The following CADPS2 variants were observed in gnomAD, a reference collection of about 807,000 sequenced individuals.
CADPS2 encodes calcium dependent secretion activator 2, also known as calcium-dependent secretion activator 2.
In CADPS2, 93 loss-of-function variants were observed where a neutral mutation model predicts 172.5. That is an observed-to-expected ratio of 0.54 (90% CI 0.46 to 0.64). CADPS2 has a LOEUF of 0.64. Ranked by LOEUF, CADPS2 falls within the 30% of genes least tolerant of loss-of-function variation. The pLI is 0.00. For missense variants in CADPS2, 1,420 were observed against 1,565.9 expected (o/e 0.91, Z 1.57); for synonymous variants, 546 against 555.2 (o/e 0.98, Z 0.23).
chr7:122,819,184 G>A (rs1456491034), intron 1 of CADPS2, among the ~76,000 whole-genome samples: 1 of 152,202 alleles, frequency 6.6e-6, no homozygotes, highest in Non-Finnish European at 1.5e-5. Context: ...TCCCACAGGA[G>A]CTTGCTACAT....
At chr7:122,347,823 T>C (rs1333809591) in intron 27 of CADPS2, among the ~76,000 whole-genome samples, 1 of 152,208 alleles carries the variant, frequency 6.6e-6, no homozygotes, top group Non-Finnish European at 1.5e-5. Context: ...TATTAATACT[T>C]GAAGGAAACT....
chr7:122,529,820 A>G (rs2061604326), intron 8 of CADPS2, among the ~76,000 whole-genome samples: 1 of 152,148 alleles, frequency 6.6e-6, no homozygotes, highest in Non-Finnish European at 1.5e-5. Context: ...AATTGCTGGC[A>G]CATTTATATC....
At chr7:122,496,398 A>G (rs1396692514) in intron 9 of CADPS2, among the ~76,000 whole-genome samples, 1 of 152,172 alleles carries the variant, frequency 6.6e-6, no homozygotes, top group Non-Finnish European at 1.5e-5. Flanking sequence ...CCTGACTTCC[A>G]GTAATCCACC....
intron 6 of CADPS2, among the ~76,000 whole-genome samples, chr7:122,588,024 T>C (rs986318304): frequency 4.6e-5 from 7 of 152,148 alleles, no homozygotes; most frequent in Non-Finnish European, 7.4e-5. Context: ...GAACAGTATC[T>C]GTTTATGTCC....
chr7:122,538,877 A>G (rs1160041164), intron 8 of CADPS2, among the ~76,000 whole-genome samples: 1 of 152,094 alleles, frequency 6.6e-6, no homozygotes, highest in East Asian at 1.9e-4. Context: ...GTTTATCATT[A>G]GAGGATCAAA....
At chr7:122,385,516 G>A (rs1038235936) in intron 24 of CADPS2, among the ~76,000 whole-genome samples, 1 of 151,936 alleles carries the variant, frequency 6.6e-6, no homozygotes, top group Non-Finnish European at 1.5e-5. Flanking sequence ...ATTGTCAACT[G>A]TAAGACTTGT....
intron 11 of CADPS2, among the ~76,000 whole-genome samples, chr7:122,485,784 A>G (rs2152284314): frequency 6.6e-6 from 1 of 152,340 alleles, no homozygotes; most frequent in East Asian, 1.9e-4. Flanking sequence ...GAGAGAAGTC[A>G]ATGCTTGGCT....
chr7:122,763,072 A>G (rs12706444), intron 1 of CADPS2, among the ~76,000 whole-genome samples: 35,877 of 152,018 alleles, frequency 0.24, 4,792 homozygotes, highest in African/African-American at 0.36. Flanking sequence ...ACTTTGTGGA[A>G]GGCTGTGTTA....
chr7:122,321,091 C>T (rs2032366707), intron 29 of CADPS2, among the ~76,000 whole-genome samples: 1 of 152,156 alleles, frequency 6.6e-6, no homozygotes, highest in Admixed American at 6.5e-5. Flanking sequence ...ACAACAAAAT[C>T]CAACAATATT....
At chr7:122,847,876 A>C (rs1313981496) in intron 1 of CADPS2, among the ~76,000 whole-genome samples, 3 of 152,252 alleles carry the variant, frequency 2.0e-5, no homozygotes, top group Non-Finnish European at 4.4e-5. Flanking sequence ...GCATGTATTA[A>C]AGTACTTGTT....
intron 1 of CADPS2, among the ~76,000 whole-genome samples, chr7:122,832,620 ATGT>A (rs1160732782): frequency 2.0e-5 from 3 of 152,226 alleles, no homozygotes; most frequent in African/African-American, 7.2e-5. Flanking sequence ...GATGGCAGTA[ATGT>A]TGTCTGGCTT....
At chr7:122,796,034 GA>G (rs60844157) in intron 1 of CADPS2, among the ~76,000 whole-genome samples, 1 of 151,878 alleles carries the variant, frequency 6.6e-6, no homozygotes, top group Non-Finnish European at 1.5e-5. Flanking sequence ...AAATCAATGA[GA>G]AAAAAATCAC....
At chr7:122,533,020 CCG>C (rs1391013478) in intron 8 of CADPS2, among the ~76,000 whole-genome samples, 3 of 151,964 alleles carry the variant, frequency 2.0e-5, no homozygotes, top group Non-Finnish European at 4.4e-5. Context: ...CATAAATGCT[CCG>C]CACCCCCACC....
intron 2 of CADPS2, among the ~76,000 whole-genome samples, chr7:122,689,071 T>C (rs779347962): frequency 7.9e-5 from 12 of 152,144 alleles, no homozygotes; most frequent in Admixed American, 6.5e-5. Context: ...CTTGGACCTA[T>C]AGGCCACAGC....
intron 1 of CADPS2, among the ~76,000 whole-genome samples, chr7:122,781,318 A>G (rs1792660468): frequency 6.6e-6 from 1 of 152,078 alleles, no homozygotes; most frequent in African/African-American, 2.4e-5. Flanking sequence ...ATACAAGGGG[A>G]TTATTATTGT....
chr7:122,732,830 A>AAT (rs1554374448), intron 2 of CADPS2, among the ~76,000 whole-genome samples: 1 of 138,660 alleles, frequency 7.2e-6, no homozygotes, highest in African/African-American at 2.7e-5. Context: ...TATTATATAT[A>AAT]ATATACATTA....
chr7:122,366,474 G>A lies in CADPS2; in HGVS notation c.3388-5461C>T, dbSNP rs192112503. 5.3e-3 allele frequency among the ~76,000 whole-genome samples: 799 copies of A among 150,150 alleles called. 5 individuals are homozygous for A. Among genetic ancestry groups the A allele is most frequent in the Middle Eastern group, 0.021 (6 of 290 alleles). On this transcript the variant is annotated intron_variant, in intron 25 of 29. Transcript: ENST00000449022. ...AAAAAAATTACCCGGCCATGGTGGC[G>A]GGCGCCTGAAATCCCAGCTACTCAG... is the stretch of plus-strand genomic sequence containing the variant.
chr7:122,621,345 C>A (rs2075590535), intron 5 of CADPS2, 136 bp downstream of exon 5: 5 of 627,236 alleles, frequency 8.0e-6, no homozygotes, highest in Non-Finnish European at 1.4e-5. Context: ...GAGTGTCCAA[C>A]AAATGGAGAA....
At chr7:122,858,100 C>T (rs936913529) in intron 1 of CADPS2, among the ~76,000 whole-genome samples, 2 of 152,136 alleles carry the variant, frequency 1.3e-5, no homozygotes, top group Admixed American at 6.6e-5. Context: ...TTGTCCCCGC[C>T]CACATCCTTC....
Sources: allele counts gnomAD v4.1 joint callset (sites outside exome capture counted in the v4.1 genomes callset), GRCh38; gene constraint gnomAD v4.1.1; transcripts MANE v1.5; gene names NCBI Gene and HGNC (gene_info 2026-07-23, HGNC 2026-07-21).